ZBTB37: variants seen among roughly 807,000 people sequenced by gnomAD.
ZBTB37 encodes the protein zinc finger and BTB domain-containing protein 37.
In ZBTB37, 15 loss-of-function variants were observed where a neutral mutation model predicts 37.7. The observed-to-expected ratio is 0.40, with a 90% confidence interval of 0.27 to 0.61. ZBTB37 has a LOEUF of 0.61. Among genes scored for constraint, ZBTB37 ranks in the 20% least tolerant of loss-of-function variants. The probability of loss-of-function intolerance (pLI) is 0.44; values close to 1 mark genes in which losing one functional copy is unlikely to be tolerated. For synonymous variants in ZBTB37, 231 were observed against 220.6 expected (o/e 1.05, Z -0.42); for missense variants, 514 against 641.9 (o/e 0.80, Z 2.15).
At chr1:173,876,829 CGT>C (rs1362075987) in intron 4 of ZBTB37, among the ~76,000 whole-genome samples, 1 of 152,046 alleles carries the variant, frequency 6.6e-6, no homozygotes, top group Admixed American at 6.6e-5. Context: ...CAGATATAGG[CGT>C]GTGTCACTAA....
At chr1:173,874,312 C>G (rs372925001) in intron 4 of ZBTB37, among the ~76,000 whole-genome samples, 82 of 149,492 alleles carry the variant, frequency 5.5e-4, no homozygotes, top group African/African-American at 1.9e-3. Flanking sequence ...TTGAAAGTAT[C>G]TATCTAAAAA....
chr1:173,895,195 C>T (rs1203409151), exon 4 of ZBTB37: 3 of 152,440 alleles, frequency 2.0e-5, no homozygotes, highest in African/African-American at 7.2e-5. Context: ...CCTCAACCTC[C>T]TGGACTCAAG....
chr1:173,897,978 G>A (rs1334827732), exon 4 of ZBTB37: 2 of 152,000 alleles, frequency 1.3e-5, no homozygotes, highest in Admixed American at 6.6e-5. Flanking sequence ...GACTTCTCCC[G>A]GTTTACTGCT....
At chr1:173,868,963 C>T (rs933540598) in exon 2 of ZBTB37, 1 of 152,686 alleles carries the variant, frequency 6.5e-6, no homozygotes, top group African/African-American at 2.4e-5. Context: ...GAAAGACTTT[C>T]CTCCAGGGGC....
At chr1:173,873,252 C>T (rs1432238096) in intron 3 of ZBTB37, among the ~76,000 whole-genome samples, 1 of 152,114 alleles carries the variant, frequency 6.6e-6, no homozygotes, top group Non-Finnish European at 1.5e-5. Flanking sequence ...TATGTTCTAT[C>T]TGTTATGTCA....
chr1:173,884,099 T>G (rs1656486069), intron 4 of ZBTB37, among the ~76,000 whole-genome samples: 1 of 152,158 alleles, frequency 6.6e-6, no homozygotes, highest in African/African-American at 2.4e-5. Context: ...AAATAATTTC[T>G]GATTGATTTT....
chr1:173,885,835 A>G, exon 5 of ZBTB37: 1 of 1,551,864 alleles, frequency 6.4e-7, no homozygotes. Flanking sequence ...ATGTGTGGCA[A>G]GAAGTATACC....
downstream of ZBTB37, chr1:173,890,773 C>G (rs561526686): frequency 1.6e-4 from 25 of 152,286 alleles, no homozygotes; most frequent in African/African-American, 5.5e-4. Context: ...TAGGGCCACA[C>G]TTACTTGTTT....
At chr1:173,883,068 G>C (rs1242556781) in intron 4 of ZBTB37, among the ~76,000 whole-genome samples, 1 of 152,156 alleles carries the variant, frequency 6.6e-6, no homozygotes, top group Non-Finnish European at 1.5e-5. Context: ...ACAATAAATA[G>C]AACTCAGATT....
chr1:173,869,128 T>G lies in ZBTB37; in HGVS notation c.-30+8T>G, dbSNP rs1260078686. ...ATAACGCTTTGGAAAAAGGTCAGAT[T>G]GGCTAAAGTTGATTGTTGAAAACAG... On this transcript the variant is annotated splice_region_variant and intron_variant, in intron 2 of 4. Coordinates refer to ENST00000427304, the Ensembl canonical transcript of ZBTB37. 2 of 152,596 alleles carry G rather than the reference T, an allele frequency of 1.3e-5. No individual in the cohort carries two copies. The highest frequency in any genetic ancestry group is 4.8e-5 in the African/African-American group (2 of 41,454). The allele number at this position is 152,596 out of a possible 1,614,324, so 9.5% of individuals were successfully genotyped here. A position where few individuals can be genotyped will look rare whatever the true frequency, so the allele number is the denominator to read the frequency against.
exon 4 of ZBTB37, chr1:173,900,975 G>A (rs1229487344): frequency 6.6e-6 from 1 of 152,192 alleles, no homozygotes; most frequent in Non-Finnish European, 1.5e-5. Flanking sequence ...TATGGGGAGA[G>A]AGTAGAGCAG....
In ZBTB37 at chr1:173,869,351, C is replaced by T. The variant is rs192333685; in HGVS notation, c.-30+231C>T. Reference sequence around the variant, plus strand: ...TCAGTAGTTGAAACTGTACTTTCAACTATCTTGTATACAGCTTCAGGTTTA... The same window carrying T: ...TCAGTAGTTGAAACTGTACTTTCAATTATCTTGTATACAGCTTCAGGTTTA... On this transcript the variant is annotated intron_variant, in intron 2 of 4. Coordinates refer to ENST00000427304, the Ensembl canonical transcript of ZBTB37. Among the ~76,000 whole-genome samples, 4 of 128,692 alleles carry T rather than the reference C, an allele frequency of 3.1e-5. No homozygotes were observed. The East Asian group carries it at 7.7e-4, about 25-fold the overall frequency. 84.4% of individuals were successfully genotyped at this position (128,692 alleles called of 152,430 possible).
exon 4 of ZBTB37, chr1:173,899,886 T>C (rs1055506023): frequency 6.6e-6 from 1 of 152,212 alleles, no homozygotes; most frequent in East Asian, 1.9e-4. Context: ...GAGGGAGATA[T>C]TGTCATCCAT....
intron 4 of ZBTB37, among the ~76,000 whole-genome samples, chr1:173,883,266 G>T (rs1656434843): frequency 6.6e-6 from 1 of 152,168 alleles, no homozygotes; most frequent in Non-Finnish European, 1.5e-5. Flanking sequence ...ATCACCTGAG[G>T]TCGGGAGTTC....
At chr1:173,887,269 G>A (rs572399903), downstream of ZBTB37, 1 of 152,126 alleles carries the variant, frequency 6.6e-6, no homozygotes, top group Non-Finnish European at 1.5e-5. Context: ...ATATTTTCAG[G>A]CATATAGAAG....
exon 5 of ZBTB37, chr1:173,886,169 AAGC>A: frequency 6.6e-7 from 1 of 1,512,514 alleles, no homozygotes; most frequent in South Asian, 1.3e-5. Flanking sequence ...TATGAGCCAT[AAGC>A]AGCCAGCATC....
At chr1:173,870,868 A>G (rs1346858464) in exon 3 of ZBTB37, 22 of 1,614,114 alleles carry the variant, frequency 1.4e-5, no homozygotes, top group Non-Finnish European at 1.7e-5. Context: ...TCTTCGGATC[A>G]ACCGAGCAGG....
At chr1:173,894,608 G>A (rs1270003967) in exon 4 of ZBTB37, 1 of 152,174 alleles carries the variant, frequency 6.6e-6, no homozygotes, top group African/African-American at 2.4e-5. Context: ...TCAACTTAAA[G>A]GCCAGGCCTA....
exon 4 of ZBTB37, chr1:173,894,424 T>C (rs761723966): frequency 3.3e-5 from 5 of 152,130 alleles, no homozygotes; most frequent in Non-Finnish European, 7.3e-5. Flanking sequence ...GTGTCCAAGA[T>C]GATCGATCTT....
Sources: gnomAD v4.1 joint callset for allele counts (sites outside exome capture counted in the v4.1 genomes callset) on GRCh38, gnomAD v4.1.1 for gene constraint, MANE v1.5 for transcripts, NCBI Gene and HGNC (gene_info 2026-07-23, HGNC 2026-07-21) for gene names.